Variants in CCSER1 observed in about 807,000 individuals in gnomAD.
The protein encoded by CCSER1 is coiled-coil serine rich protein 1, also known as serine-rich coiled-coil domain-containing protein 1.
In CCSER1, 41 loss-of-function variants were observed where a neutral mutation model predicts 82.0. The observed-to-expected ratio is 0.50, with a 90% CI of 0.39 to 0.65. The LOEUF (loss-of-function observed/expected upper bound fraction) is 0.65. Ranked by LOEUF, CCSER1 falls within the 30% of genes least tolerant of loss-of-function variation. The pLI, the probability that CCSER1 is intolerant of heterozygous loss-of-function variation, is 0.00. For missense variants in CCSER1, 1,119 were observed against 1,064.2 expected, an observed-to-expected ratio of 1.05 and a Z score of -0.72; for synonymous variants, 414 against 383.9, an observed-to-expected ratio of 1.08 and a Z score of -0.92.
chr4:90,364,714 T>C (rs1745963522), intron 3 of CCSER1, among the ~76,000 whole-genome samples: 1 of 151,938 alleles, frequency 6.6e-6, no homozygotes, highest in Non-Finnish European at 1.5e-5. Flanking sequence ...TTGATTGCTG[T>C]AAAGAAGACA....
intron 9 of CCSER1, among the ~76,000 whole-genome samples, chr4:90,989,633 A>C (rs1332804868): frequency 6.6e-6 from 1 of 151,788 alleles, no homozygotes; most frequent in African/African-American, 2.4e-5. Context: ...TTCCTTTTGA[A>C]AGGTGGAAGG....
At chr4:91,346,391 G>A (rs2870314) in intron 10 of CCSER1, among the ~76,000 whole-genome samples, 113,574 of 152,098 alleles carry the variant, frequency 0.75, 43,324 homozygotes, top group African/African-American at 0.91. Context: ...CTATTCAAGG[G>A]TATCTTGGAT....
chr4:90,216,476 A>G (rs991036845), intron 1 of CCSER1, among the ~76,000 whole-genome samples: 3 of 152,210 alleles, frequency 2.0e-5, no homozygotes, highest in Non-Finnish European at 4.4e-5. Context: ...CAAAACTGTG[A>G]CAGTCAGAGC....
At chr4:90,900,803 T>A (rs991831961) in intron 8 of CCSER1, among the ~76,000 whole-genome samples, 2 of 151,996 alleles carry the variant, frequency 1.3e-5, no homozygotes, top group African/African-American at 4.8e-5. Context: ...TAGATTTTTT[T>A]AGGTCATTTG....
chr4:90,364,700 C>T (rs1745961275), intron 3 of CCSER1, among the ~76,000 whole-genome samples: 1 of 151,750 alleles, frequency 6.6e-6, no homozygotes, highest in African/African-American at 2.4e-5. Flanking sequence ...TTGTGCCTAC[C>T]AGATTGATTG....
intron 1 of CCSER1, among the ~76,000 whole-genome samples, chr4:90,203,386 C>T (rs1007213308): frequency 6.6e-6 from 1 of 152,108 alleles, no homozygotes; most frequent in African/African-American, 2.4e-5. Flanking sequence ...GTGATGTTCC[C>T]CTCCCTGTGT....
At chr4:90,475,232 T>C (rs1423912587) in intron 5 of CCSER1, among the ~76,000 whole-genome samples, 1 of 152,206 alleles carries the variant, frequency 6.6e-6, no homozygotes, top group Non-Finnish European at 1.5e-5. Context: ...CTTCAAATTC[T>C]TCCATTTAAA....
At chr4:91,123,262 C>A (rs557779939) in intron 10 of CCSER1, among the ~76,000 whole-genome samples, 23 of 151,620 alleles carry the variant, frequency 1.5e-4, no homozygotes, top group African/African-American at 4.6e-4. Flanking sequence ...TAGTCAGATT[C>A]ATTATAGCAC....
At chr4:91,054,253 G>A (rs565111526) in intron 9 of CCSER1, among the ~76,000 whole-genome samples, 1 of 152,246 alleles carries the variant, frequency 6.6e-6, no homozygotes, top group East Asian at 1.9e-4. Context: ...CTAGACCCAG[G>A]CCAGGCACCA....
chr4:90,352,395 G>T (rs1394868786), intron 3 of CCSER1, among the ~76,000 whole-genome samples: 4 of 151,994 alleles, frequency 2.6e-5, no homozygotes, highest in Non-Finnish European at 4.4e-5. Context: ...CAGGCGCGGT[G>T]ACTGACACCT....
intron 8 of CCSER1, among the ~76,000 whole-genome samples, chr4:90,835,975 C>T (rs1264343760): frequency 6.6e-6 from 1 of 152,176 alleles, no homozygotes; most frequent in Admixed American, 6.5e-5. Flanking sequence ...CTTTGTGAAT[C>T]TGATGCTCTT....
At chr4:91,320,302 GA>G (rs1471406423) in intron 10 of CCSER1, among the ~76,000 whole-genome samples, 2 of 151,952 alleles carry the variant, frequency 1.3e-5, no homozygotes, top group East Asian at 3.9e-4. Context: ...CCATGAAGAA[GA>G]AAAAATAAAT....
At chr4:90,503,460 G>C (rs1229614588) in intron 5 of CCSER1, among the ~76,000 whole-genome samples, 1 of 151,874 alleles carries the variant, frequency 6.6e-6, no homozygotes, top group Admixed American at 6.6e-5. Flanking sequence ...TGTGCACAAC[G>C]TGCAGGTTAG....
intron 10 of CCSER1, among the ~76,000 whole-genome samples, chr4:91,586,286 A>G (rs1314159965): frequency 1.3e-5 from 2 of 151,780 alleles, no homozygotes; most frequent in Non-Finnish European, 2.9e-5. Flanking sequence ...AATGAAAATT[A>G]AAAGAAGTTT....
chr4:90,909,478 G>A (rs7683787), intron 8 of CCSER1, among the ~76,000 whole-genome samples: 70,897 of 151,884 alleles, frequency 0.47, 18,210 homozygotes, highest in African/African-American at 0.7. Context: ...GATATAAAAA[G>A]AAGTGATTGT....
intron 7 of CCSER1, among the ~76,000 whole-genome samples, chr4:90,783,907 C>G (rs888482002): frequency 5.3e-5 from 8 of 151,972 alleles, no homozygotes; most frequent in African/African-American, 1.7e-4. Flanking sequence ...ACCACATCAA[C>G]AGGACTCCAG....
chr4:90,369,723 T>G (rs1415992931), intron 3 of CCSER1, among the ~76,000 whole-genome samples: 1 of 151,938 alleles, frequency 6.6e-6, no homozygotes, highest in East Asian at 1.9e-4. Flanking sequence ...TTGTTAACAT[T>G]ACTTAAGGCT....
At chr4:90,713,787 T>A (rs1203575712) in intron 6 of CCSER1, among the ~76,000 whole-genome samples, 1 of 151,994 alleles carries the variant, frequency 6.6e-6, no homozygotes, top group African/African-American at 2.4e-5. Context: ...CCCCAATCAG[T>A]CGTAGGTTCA....
At chr4:90,769,672 G>A (rs774018410) in intron 7 of CCSER1, among the ~76,000 whole-genome samples, 1 of 152,176 alleles carries the variant, frequency 6.6e-6, no homozygotes, top group South Asian at 2.1e-4. Context: ...TTCAGACGAA[G>A]AGGGATTATA....
Sources: gnomAD v4.1 joint callset for allele counts (sites outside exome capture counted in the v4.1 genomes callset) on GRCh38, gnomAD v4.1.1 for gene constraint, MANE v1.5 for transcripts, NCBI Gene and HGNC (gene_info 2026-07-23, HGNC 2026-07-21) for gene names.